CDH13: variants seen among roughly 807,000 people sequenced by gnomAD.
The protein encoded by CDH13 is cadherin 13.
Under a neutral mutation model 63.8 loss-of-function variants are expected in CDH13, and 24 were observed. That is an observed-to-expected ratio of 0.38 (90% CI 0.27 to 0.53). CDH13 has a LOEUF of 0.53. Among genes scored for constraint, CDH13 ranks in the 20% least tolerant of loss-of-function variants. CDH13 has a pLI of 0.85. For missense variants in CDH13, 1,049 were observed against 903.1 expected (o/e 1.16, Z -2.07); for synonymous variants, 503 against 355.3 (o/e 1.42, Z -4.67).
At chr16:83,227,249 C>T (rs2039868089) in intron 5 of CDH13, among the ~76,000 whole-genome samples, 1 of 152,192 alleles carries the variant, frequency 6.6e-6, no homozygotes, top group South Asian at 2.1e-4. Context: ...CCTCTGACAC[C>T]TGTAGCACTG....
intron 7 of CDH13, among the ~76,000 whole-genome samples, chr16:83,559,440 G>A (rs542062096): frequency 6.6e-6 from 1 of 152,140 alleles, no homozygotes; most frequent in Non-Finnish European, 1.5e-5. Context: ...GCATGGTGGC[G>A]TGTACCTATA....
chr16:83,503,178 G>T (rs542594572), intron 7 of CDH13, among the ~76,000 whole-genome samples: 1 of 152,190 alleles, frequency 6.6e-6, no homozygotes, highest in Non-Finnish European at 1.5e-5. Flanking sequence ...AATCGCTCAC[G>T]TAGATTCAAG....
chr16:82,885,511 C>T (rs1240323523), intron 2 of CDH13, among the ~76,000 whole-genome samples: 1 of 149,702 alleles, frequency 6.7e-6, no homozygotes, highest in Non-Finnish European at 1.5e-5. Flanking sequence ...ACCCATCCAT[C>T]TATCCATTCA....
intron 2 of CDH13, among the ~76,000 whole-genome samples, chr16:83,021,008 T>G (rs1333456070): frequency 6.6e-6 from 1 of 152,186 alleles, no homozygotes; most frequent in African/African-American, 2.4e-5. Flanking sequence ...TTACACATAA[T>G]TGCTATAAAG....
intron 2 of CDH13, among the ~76,000 whole-genome samples, chr16:82,978,952 G>T (rs968903885): frequency 6.6e-6 from 1 of 152,180 alleles, no homozygotes; most frequent in Admixed American, 6.5e-5. Context: ...CCGGGAGGGG[G>T]GTTGTACCCT....
At chr16:83,331,951 C>G (rs1489361404) in intron 5 of CDH13, among the ~76,000 whole-genome samples, 1 of 152,136 alleles carries the variant, frequency 6.6e-6, no homozygotes. Context: ...CACACACGCA[C>G]ATATCAGGCT....
intron 7 of CDH13, among the ~76,000 whole-genome samples, chr16:83,498,951 G>A (rs1425152819): frequency 6.6e-6 from 1 of 152,162 alleles, no homozygotes; most frequent in Non-Finnish European, 1.5e-5. Flanking sequence ...CCCTTGGGGG[G>A]AAATGCAAAT....
At chr16:82,661,845 C>A (rs181848704) in intron 1 of CDH13, among the ~76,000 whole-genome samples, 3 of 152,220 alleles carry the variant, frequency 2.0e-5, no homozygotes, top group African/African-American at 7.2e-5. Context: ...TTAGGAACAA[C>A]TAAGGTATGT....
At chr16:83,379,006 T>TATATATATACAC (rs540642910) in intron 6 of CDH13, among the ~76,000 whole-genome samples, 10 of 148,932 alleles carry the variant, frequency 6.7e-5, no homozygotes, top group Admixed American at 3.3e-4. Flanking sequence ...TATATATATA[T>TATATATATACAC]ACACACACAC....
chr16:82,669,751 C>G (rs1269540248), intron 1 of CDH13, among the ~76,000 whole-genome samples: 1 of 152,138 alleles, frequency 6.6e-6, no homozygotes, highest in Admixed American at 6.5e-5. Context: ...TGGACGGAAC[C>G]ATTTGCTCCC....
chr16:83,622,420 C>T (rs991625948), intron 8 of CDH13, among the ~76,000 whole-genome samples: 4 of 152,130 alleles, frequency 2.6e-5, no homozygotes, highest in Non-Finnish European at 4.4e-5. Context: ...TCAGGAGACT[C>T]GGACGAGAAA....
chr16:82,903,775 C>T lies in CDH13; in HGVS notation c.157+45302C>T, dbSNP rs187544977. On this transcript the variant is annotated intron_variant, in intron 2 of 13. Coordinates refer to ENST00000567109, the MANE Select transcript of CDH13 (RefSeq NM_001257.5). ...GTATAGTAACAAGCCTGGAATAACC[C>T]TTAGAGCACCTTCATAGGGAAGGTA... Among the ~76,000 whole-genome samples, 10 of 152,196 alleles carry T rather than the reference C, an allele frequency of 6.6e-5. No individual in the cohort carries two copies. In the East Asian group the frequency reaches 1.9e-3, roughly 29 times the overall value.
At chr16:83,064,965 A>G (rs920401348) in intron 3 of CDH13, among the ~76,000 whole-genome samples, 1 of 152,076 alleles carries the variant, frequency 6.6e-6, no homozygotes, top group Admixed American at 6.6e-5. Context: ...TCTCTTGTCT[A>G]TCTGAAACTT....
At chr16:83,213,569 A>G (rs2039400265) in intron 4 of CDH13, among the ~76,000 whole-genome samples, 1 of 151,704 alleles carries the variant, frequency 6.6e-6, no homozygotes, top group Non-Finnish European at 1.5e-5. Context: ...TGGGTCAGAG[A>G]AGCCCATTCT....
At chr16:82,805,817 G>A (rs1294012408) in intron 1 of CDH13, among the ~76,000 whole-genome samples, 12 of 152,312 alleles carry the variant, frequency 7.9e-5, no homozygotes, top group Admixed American at 7.2e-4. Flanking sequence ...ATCAGACAGA[G>A]AAATAAGGAT....
At chr16:82,696,271 A>T (rs1379079623) in intron 1 of CDH13, among the ~76,000 whole-genome samples, 1 of 152,248 alleles carries the variant, frequency 6.6e-6, no homozygotes, top group Non-Finnish European at 1.5e-5. Flanking sequence ...ATTCAAATAC[A>T]TCTTTACTAA....
At chr16:82,757,731 C>T (rs2034671712) in intron 1 of CDH13, among the ~76,000 whole-genome samples, 1 of 151,236 alleles carries the variant, frequency 6.6e-6, no homozygotes, top group Non-Finnish European at 1.5e-5. Flanking sequence ...GCAACCTCTG[C>T]AGCGGATTCA....
At chr16:83,581,223 C>G (rs551493598) in intron 7 of CDH13, among the ~76,000 whole-genome samples, 1 of 152,318 alleles carries the variant, frequency 6.6e-6, no homozygotes, top group Admixed American at 6.5e-5. Flanking sequence ...CTCTGCCCTT[C>G]CGAAGCTGAC....
At chr16:82,921,192 A>G (rs958921812) in intron 2 of CDH13, among the ~76,000 whole-genome samples, 1 of 152,076 alleles carries the variant, frequency 6.6e-6, no homozygotes, top group African/African-American at 2.4e-5. Context: ...CAAGAAATTT[A>G]TTTTCTTACA....
Sources: allele counts gnomAD v4.1 joint callset (sites outside exome capture counted in the v4.1 genomes callset), GRCh38; gene constraint gnomAD v4.1.1; transcripts MANE v1.5; gene names NCBI Gene and HGNC (gene_info 2026-07-23, HGNC 2026-07-21).